Variants in ANKRD28 observed in about 807,000 individuals in gnomAD.
The protein encoded by ANKRD28 is serine/threonine-protein phosphatase 6 regulatory ankyrin repeat subunit A.
Under a neutral mutation model 126.5 loss-of-function variants are expected in ANKRD28, and 44 were observed. The observed-to-expected ratio is 0.35, with a 90% CI of 0.27 to 0.45. ANKRD28 has a LOEUF of 0.45. Among genes scored for constraint, ANKRD28 ranks in the 20% least tolerant of loss-of-function variants. The pLI is 1.00. For synonymous variants in ANKRD28, 442 were observed against 468.5 expected, an observed-to-expected ratio of 0.94 and a Z score of 0.73; for missense variants, 1,110 against 1,316.6, an observed-to-expected ratio of 0.84 and a Z score of 2.43.
chr3:15,694,897 T>TAG, intron 16 of ANKRD28, 84 bp from the exon 17 acceptor site: 1 of 1,301,600 alleles, frequency 7.7e-7, no homozygotes, highest in Non-Finnish European at 1.1e-6. Context: ...AAATCCACCT[T>TAG]AGAGTATTAT....
intron 2 of ANKRD28, among the ~76,000 whole-genome samples, chr3:15,778,183 A>G (rs1343557928): frequency 1.3e-5 from 2 of 152,188 alleles, no homozygotes; most frequent in Non-Finnish European, 2.9e-5. Context: ...GACTTGTTTC[A>G]TGTTCAATGG....
At chr3:15,676,950 A>C (rs778035597) in intron 26 of ANKRD28, 24 bp downstream of exon 26, 1 of 1,583,626 alleles carries the variant, frequency 6.3e-7, no homozygotes. Flanking sequence ...CACAAAGTTT[A>C]TACTAGATAC....
At chr3:15,709,771 G>A in intron 12 of ANKRD28, 35 bp from the exon 13 acceptor site, 2 of 1,390,940 alleles carry the variant, frequency 1.4e-6, no homozygotes, top group East Asian at 5.0e-5. Flanking sequence ...AAACTTAATT[G>A]ACAGTGATTT....
intron 1 of ANKRD28, among the ~76,000 whole-genome samples, chr3:15,804,098 C>T (rs1462065812): frequency 6.9e-6 from 1 of 145,358 alleles, no homozygotes; most frequent in Non-Finnish European, 1.5e-5. Flanking sequence ...AATTATTAGA[C>T]ATTCATATCT....
At chr3:15,774,819 C>T (rs7633542) in intron 2 of ANKRD28, among the ~76,000 whole-genome samples, 74,527 of 152,076 alleles carry the variant, frequency 0.49, 20,244 homozygotes, top group Non-Finnish European at 0.6. Flanking sequence ...TAAAAAGACC[C>T]GCTGCAAATT....
chr3:15,703,175 G>T (rs1350955256), intron 14 of ANKRD28, among the ~76,000 whole-genome samples: 1 of 151,996 alleles, frequency 6.6e-6, no homozygotes, highest in East Asian at 1.9e-4. Flanking sequence ...ATTGATTTTG[G>T]TAATAAAAAA....
intron 1 of ANKRD28, among the ~76,000 whole-genome samples, chr3:15,850,202 A>ATGT (rs1455598240): frequency 1.8e-5 from 1 of 55,116 alleles, no homozygotes; most frequent in Non-Finnish European, 3.8e-5. Flanking sequence ...AAAAAAAAAA[A>ATGT]AAATATATAT....
chr3:15,722,649 G>C (rs1301739989), intron 7 of ANKRD28, among the ~76,000 whole-genome samples: 1 of 152,176 alleles, frequency 6.6e-6, no homozygotes. Flanking sequence ...TAATCTTGTA[G>C]TTGGCCCCAA....
chr3:15,784,272 T>G (rs529961954), intron 2 of ANKRD28, among the ~76,000 whole-genome samples: 2 of 152,000 alleles, frequency 1.3e-5, no homozygotes, highest in Non-Finnish European at 2.9e-5. Context: ...AGACAATAGT[T>G]TGTTCAAAAT....
At chr3:15,730,922 T>A (rs1395785075) in intron 6 of ANKRD28, among the ~76,000 whole-genome samples, 1 of 152,164 alleles carries the variant, frequency 6.6e-6, no homozygotes, top group Admixed American at 6.5e-5. Context: ...AACATATCAA[T>A]GCTATCTTGG....
At chr3:15,672,559 A>C (rs2066483391) in intron 27 of ANKRD28, among the ~76,000 whole-genome samples, 1 of 152,140 alleles carries the variant, frequency 6.6e-6, no homozygotes, top group South Asian at 2.1e-4. Context: ...TTTTTAATTA[A>C]ATTTTATTTG....
chr3:15,791,546 A>T (rs2060027805), intron 2 of ANKRD28, among the ~76,000 whole-genome samples: 2 of 152,206 alleles, frequency 1.3e-5, no homozygotes, highest in African/African-American at 4.8e-5. Flanking sequence ...TGGTGCTGGG[A>T]AACTGGATAA....
In ANKRD28 at chr3:15,830,703, C is replaced by T. The variant is rs926057068; in HGVS notation, c.27+28674G>A. ...AGAAAGGTTTGGCCCTTGCTCAGCT[C>T]CTAGGAGGTAACTGCTAACCCCTTG... On this transcript the variant is annotated intron_variant, in intron 1 of 27. Coordinates refer to the ANKRD28 transcript ENST00000399451. The surrounding 1 kb of genome is among the most constrained non-coding windows in gnomAD (Gnocchi z 4.5). Among the ~76,000 whole-genome samples the T allele has an allele frequency of 1.3e-5, 2 of 151,802 alleles. No homozygotes were observed. Among genetic ancestry groups the T allele is most frequent in the African/African-American group, 4.8e-5 (2 of 41,268 alleles).
chr3:15,687,869 T>G (rs191421255), intron 18 of ANKRD28, among the ~76,000 whole-genome samples: 1 of 152,316 alleles, frequency 6.6e-6, no homozygotes, highest in Admixed American at 6.5e-5. Flanking sequence ...TGAATGTTTG[T>G]GTCATCTAAG....
chr3:15,810,397 T>C (rs2060687438), intron 1 of ANKRD28, among the ~76,000 whole-genome samples: 1 of 152,102 alleles, frequency 6.6e-6, no homozygotes, highest in Non-Finnish European at 1.5e-5. Context: ...AAAATTTACA[T>C]ATCAAGATTT....
At chr3:15,694,998 TG>T (rs1393150944) in intron 16 of ANKRD28, among the ~76,000 whole-genome samples, 185 bp from the exon 17 acceptor site, 9 of 152,142 alleles carry the variant, frequency 5.9e-5, no homozygotes, top group African/African-American at 2.2e-4. Flanking sequence ...CATAAGAGTT[TG>T]GGGGAAATGC....
At chr3:15,708,127 A>G in intron 13 of ANKRD28, 63 bp from the exon 14 acceptor site, 1 of 1,514,994 alleles carries the variant, frequency 6.6e-7, no homozygotes, top group Non-Finnish European at 9.0e-7. Flanking sequence ...AAACAAAAGC[A>G]TAGTTGACTC....
At chr3:15,850,222 T>TAGAGAGAGAGAGAGAG (rs1402127071) in intron 1 of ANKRD28, among the ~76,000 whole-genome samples, 3 of 41,800 alleles carry the variant, frequency 7.2e-5, no homozygotes, top group South Asian at 1.0e-3. Flanking sequence ...TATATATATA[T>TAGAGAGAGAGAGAGAG]ATAGAGAGAG....
Position 15,796,622 on chromosome 3 carries a change from T to C in ANKRD28, c.-101A>G. Reference sequence around the variant, plus strand: ...CTCTTCTGTACAACACTTACAAACATTCTCTGAACAGCACAGCTGGGTTTT... The same window carrying C: ...CTCTTCTGTACAACACTTACAAACACTCTCTGAACAGCACAGCTGGGTTTT... On this transcript the variant is annotated 5_prime_UTR_variant, in exon 1 of 28. The change abolishes an upstream ATG in the 5' untranslated region. Coordinates refer to ENST00000683139, the MANE Select transcript of ANKRD28 (RefSeq NM_001349278.2). The C allele has an allele frequency of 9.3e-7, 1 of 1,075,284 alleles. No individual in the cohort carries two copies. Among genetic ancestry groups the C allele is most frequent in the Non-Finnish European group, 1.1e-6 (1 of 877,704 alleles). 66.6% of individuals were successfully genotyped at this position (1,075,284 alleles called of 1,614,324 possible).
Sources: allele counts gnomAD v4.1 joint callset (sites outside exome capture counted in the v4.1 genomes callset), GRCh38; gene constraint gnomAD v4.1.1; non-coding constraint Gnocchi (gnomAD v3.1); transcripts MANE v1.5; gene names NCBI Gene and HGNC (gene_info 2026-07-23, HGNC 2026-07-21).